MSS51: variants seen among roughly 807,000 people sequenced by gnomAD.
MSS51 encodes putative protein MSS51 homolog, mitochondrial.
Under a neutral mutation model 40.2 loss-of-function variants are expected in MSS51, and 32 were observed. The observed-to-expected ratio is 0.80, with a 90% CI of 0.60 to 1.07. The LOEUF (loss-of-function observed/expected upper bound fraction) is 1.07, where lower values mean the gene tolerates loss of function less well. Ranked by LOEUF, MSS51 falls within the 50% of genes least tolerant of loss-of-function variation. The pLI is 0.00. For synonymous variants in MSS51, 178 were observed against 214.2 expected, an observed-to-expected ratio of 0.83 and a Z score of 1.48; for missense variants, 518 against 568.9, an observed-to-expected ratio of 0.91 and a Z score of 0.91.
chr10:73,424,591 T>A lies in MSS51; in HGVS notation c.1345A>T (p.Asn449Tyr). 6.2e-7 allele frequency: 1 copy of A among 1,614,152 alleles called. No individual in the cohort carries two copies. Among genetic ancestry groups the A allele is most frequent in the Non-Finnish European group, 8.5e-7 (1 of 1,180,000 alleles). The change falls in exon 7 of 7, where the codon AAT becomes TAT. Residue 449 changes from asparagine to tyrosine, a missense_variant. By Grantham distance (143) the Asn-to-Tyr change is moderately radical. Transcript: ENST00000299432. ...TCCACTTTCTCTTCTAATTGCCTAT[T>A]ATCCAGCTGACAGGAGCTTCCAAGA... The part of the protein sequence containing the change: ...MFLGSSCQLD[N>Y]RQLEEKVDGG...
In MSS51 at chr10:73,425,554, C is replaced by T. The variant is rs977509723; in HGVS notation, c.1069+257G>A. Among the ~76,000 whole-genome samples the T allele has an allele frequency of 4.7e-5, 7 of 149,676 alleles. No homozygotes were observed. The East Asian group carries it at 6.0e-4, about 13-fold the overall frequency. ...CCAGGCGCCTGTAGTCCCAGCTACT[C>T]GGGAGGCTGAGGCAGGAGAATGGCG... On this transcript the variant is annotated intron_variant, in intron 5 of 6. Coordinates refer to ENST00000299432, the MANE Select transcript of MSS51 (RefSeq NM_001024593.2).
chr10:73,425,977 C>T lies in MSS51; in HGVS notation c.903G>A (p.Val301=), dbSNP rs770749990. The change falls in exon 5 of 7, where the codon GTG becomes GTA. Residue 301 remains valine (V), a synonymous_variant. Transcript: ENST00000299432. ...AAAAGCCAGTAGCTACATCTACACC[C>T]ACCATGACCACACGGAGTCCAAGGT... The part of the protein sequence containing the change: ...PGHLGLRVVM[V]GVDVATGFSQ... 64 of 1,614,058 alleles carry T rather than the reference C, an allele frequency of 4.0e-5. No homozygotes were observed. Among genetic ancestry groups the T allele is most frequent in the Non-Finnish European group, 5.2e-5 (61 of 1,180,046 alleles).
Position 73,426,214 on chromosome 10 carries a change from C to A in MSS51, c.666G>T (p.Arg222Ser), listed in dbSNP as rs774677626. ...ATCCCTGCAGGACATCCGGGTCTGG[C>A]CTTGGCCGTCCTACACTGGCCCATA... The part of the protein sequence containing the change: ...TTLWASVGRP[R>S]PDPDVLQGSL... The change falls in exon 5 of 7, where the codon AGG (arginine) becomes AGT (serine). Residue 222 changes from arginine (R) to serine (S), a missense_variant. Arg to Ser is a moderately radical substitution (Grantham distance 110). Transcript: ENST00000299432. The A allele has an allele frequency of 1.9e-6, 3 of 1,614,112 alleles. No individual in the cohort carries two copies. The highest frequency in any genetic ancestry group is 1.7e-5 in the Admixed American group (1 of 60,022).
intron 5 of MSS51, among the ~76,000 whole-genome samples, chr10:73,425,446 G>A (rs906183638): frequency 2.6e-5 from 4 of 151,914 alleles, no homozygotes; most frequent in East Asian, 1.9e-4. Context: ...AGGCAGAGGC[G>A]GGCGGATCAT....
At chr10:73,428,011 A>C (rs559731636) in intron 2 of MSS51, 53 bp downstream of exon 2, 2 of 1,550,876 alleles carry the variant, frequency 1.3e-6, no homozygotes, top group Non-Finnish European at 1.8e-6. Context: ...ACCTTCTGAA[A>C]TTTACTTCTA....
intron 3 of MSS51, 98 bp downstream of exon 3, chr10:73,427,515 C>T (rs562062075): frequency 1.8e-5 from 24 of 1,333,440 alleles, no homozygotes; most frequent in African/African-American, 8.8e-5. Flanking sequence ...CCACCTGCCT[C>T]GGCCTCCCAA....
rs750777206 is a variant in MSS51, at chr10:73,425,900, G to A, written c.980C>T (p.Ala327Val). 2 of 1,614,162 alleles carry A rather than the reference G, an allele frequency of 1.2e-6. No individual in the cohort carries two copies. The highest frequency in any genetic ancestry group is 1.7e-6 in the Non-Finnish European group (2 of 1,180,034). Reference sequence around the variant, plus strand: ...GAAGTCATGGTAGAGGCCCCTGTGGGCACTAAGCTGAATTGTGCCAGGTTC... The same window carrying A: ...GAAGTCATGGTAGAGGCCCCTGTGGACACTAAGCTGAATTGTGCCAGGTTC... The part of the protein sequence containing the change: ...PLEPGTIQLS[A>V]HRGLYHDFWE... Residue 327 changes from alanine (A) to valine (V), a missense_variant, in exon 5 of 7, where the codon GCC (alanine) becomes GTC (valine). Ala to Val is a moderately conservative substitution (Grantham distance 64, BLOSUM62 0). Coordinates refer to ENST00000299432, the MANE Select transcript of MSS51 (RefSeq NM_001024593.2).
intron 1 of MSS51, among the ~76,000 whole-genome samples, chr10:73,433,284 A>G (rs1369974112): frequency 2.0e-5 from 3 of 152,086 alleles, no homozygotes; most frequent in African/African-American, 7.2e-5. Flanking sequence ...TCTGTAAGTC[A>G]CCAAAAAATG....
chr10:73,424,833 G>T, intron 6 of MSS51, 61 bp from the exon 7 acceptor site: 1 of 1,361,196 alleles, frequency 7.3e-7, no homozygotes, highest in Non-Finnish European at 1.0e-6. Flanking sequence ...AGGAAAAACT[G>T]CCCAAGAGCC....
At chr10:73,425,701 T>G (rs915101455) in intron 5 of MSS51, 110 bp downstream of exon 5, 19 of 794,728 alleles carry the variant, frequency 2.4e-5, no homozygotes, top group Non-Finnish European at 3.5e-5. Flanking sequence ...AAAGTTGTCA[T>G]CATATTGTGT....
chr10:73,428,727 T>C (rs2056007837), intron 1 of MSS51, among the ~76,000 whole-genome samples: 1 of 151,484 alleles, frequency 6.6e-6, no homozygotes, highest in African/African-American at 2.4e-5. Flanking sequence ...CCTCAGGTGA[T>C]CCACCCACCT....
chr10:73,432,748 G>A (rs2056037270), intron 1 of MSS51, among the ~76,000 whole-genome samples: 1 of 152,194 alleles, frequency 6.6e-6, no homozygotes, highest in Non-Finnish European at 1.5e-5. Flanking sequence ...GAAGGTGGGT[G>A]AGAAGCCAGG....
chr10:73,424,515 C>T lies in MSS51; in HGVS notation c.*38G>A. 1 of 1,517,522 alleles carries T rather than the reference C, an allele frequency of 6.6e-7. No homozygotes were observed. 94.0% of individuals were successfully genotyped at this position (1,517,522 alleles called of 1,614,324 possible). On this transcript the variant is annotated 3_prime_UTR_variant, in exon 7 of 7. Transcript: ENST00000299432. ...TGGCATTAGCAGGGTAATTTCATCA[C>T]AAACTCCCCGTTTTCCAGATGTCCA...
At chr10:73,427,295 T>G (rs1240901700) in intron 3 of MSS51, among the ~76,000 whole-genome samples, 1 of 143,084 alleles carries the variant, frequency 7.0e-6, no homozygotes, top group Non-Finnish European at 1.5e-5. Flanking sequence ...TTTTTTTTTT[T>G]TGAGACAGAG....
chr10:73,428,003 C>T (rs1401653433), intron 2 of MSS51, 61 bp downstream of exon 2: 2 of 1,511,806 alleles, frequency 1.3e-6, no homozygotes, highest in Non-Finnish European at 1.8e-6. Flanking sequence ...CCCTCTCCAC[C>T]TTCTGAAATT....
chr10:73,424,531 C>T lies in MSS51; in HGVS notation c.*22G>A. ...ATTTCATCACAAACTCCCCGTTTTC[C>T]AGATGTCCAGTTATGATCTATTTAA... On this transcript the variant is annotated 3_prime_UTR_variant, in exon 7 of 7. Coordinates refer to ENST00000299432, the MANE Select transcript of MSS51 (RefSeq NM_001024593.2). The T allele has an allele frequency of 6.4e-7, 1 of 1,574,442 alleles. No homozygotes were observed. The highest frequency in any genetic ancestry group is 8.7e-7 in the Non-Finnish European group (1 of 1,144,946).
chr10:73,430,857 A>G (rs1269519577), intron 1 of MSS51, among the ~76,000 whole-genome samples: 1 of 152,212 alleles, frequency 6.6e-6, no homozygotes, highest in Admixed American at 6.5e-5. Context: ...GCTAAAAGGT[A>G]GAAACAACCC....
chr10:73,427,160 C>T (rs989399906), intron 3 of MSS51, among the ~76,000 whole-genome samples: 5 of 151,656 alleles, frequency 3.3e-5, no homozygotes, highest in African/African-American at 1.2e-4. Flanking sequence ...GATTAGAACA[C>T]TGTTCTAATC....
At chr10:73,427,017 C>T (rs1320623786) in intron 3 of MSS51, among the ~76,000 whole-genome samples, 1 of 152,154 alleles carries the variant, frequency 6.6e-6, no homozygotes, top group East Asian at 1.9e-4. Context: ...GCTGTCCTCT[C>T]ATAACAGGTA....
Sources: gnomAD v4.1 joint callset for allele counts (sites outside exome capture counted in the v4.1 genomes callset) on GRCh38, gnomAD v4.1.1 for gene constraint, MANE v1.5 for transcripts, NCBI Gene and HGNC (gene_info 2026-07-23, HGNC 2026-07-21) for gene names.